Variants in CNTLN observed in about 807,000 individuals in gnomAD.
CNTLN encodes the protein centlein, centrosomal protein.
A neutral mutation model predicts 180.0 loss-of-function variants in CNTLN; 212 were observed. The observed-to-expected ratio is 1.18, with a 90% CI of 1.05 to 1.32. CNTLN has a LOEUF of 1.32. CNTLN is among the 40% of genes most tolerant of loss of function. CNTLN has a pLI of 0.00. For missense variants in CNTLN, 2,095 were observed against 1,610.9 expected (o/e 1.30, Z -5.14); for synonymous variants, 722 against 563.1 (o/e 1.28, Z -3.99).
At chr9:17,269,502 C>A (rs1651068513) in intron 5 of CNTLN, among the ~76,000 whole-genome samples, 1 of 152,012 alleles carries the variant, frequency 6.6e-6, no homozygotes, top group Admixed American at 6.5e-5. Flanking sequence ...TAATTTCTTT[C>A]TTTCATGATC....
chr9:17,270,182 A>G (rs1397536757), intron 5 of CNTLN, among the ~76,000 whole-genome samples: 21 of 152,112 alleles, frequency 1.4e-4, no homozygotes, highest in Admixed American at 1.2e-3. Context: ...GACAATTTTA[A>G]TATAAAACCA....
chr9:17,311,580 C>T lies in CNTLN; in HGVS notation c.1341+2328C>T, dbSNP rs1446301744. Among the ~76,000 whole-genome samples the T allele has an allele frequency of 1.5e-4, 23 of 151,218 alleles. 1 individual carries two copies. The East Asian group carries it at 4.6e-3, about 30-fold the overall frequency. ...ATCCCAGCACTTTGAGAGGCCGAGG[C>T]GGGCGAATCATGAGGTCAAGAGTTA... On this transcript the variant is annotated intron_variant, in intron 8 of 25. Transcript: ENST00000380647.
At chr9:17,318,486 G>A (rs771779535) in intron 8 of CNTLN, among the ~76,000 whole-genome samples, 2 of 152,136 alleles carry the variant, frequency 1.3e-5, no homozygotes, top group African/African-American at 2.4e-5. Flanking sequence ...AGGAGTTAGA[G>A]CCTGTAAATA....
intron 2 of CNTLN, among the ~76,000 whole-genome samples, chr9:17,174,644 C>G (rs539582856): frequency 2.0e-5 from 3 of 150,710 alleles, no homozygotes; most frequent in African/African-American, 7.4e-5. Flanking sequence ...TGCAGTGAGC[C>G]GAGATTGTGC....
intron 15 of CNTLN, among the ~76,000 whole-genome samples, chr9:17,402,078 T>A (rs112074532): frequency 0.014 from 2,161 of 151,918 alleles, 24 homozygotes; most frequent in Non-Finnish European, 0.021. Flanking sequence ...AGGTGGTATG[T>A]GGAATGCCTG....
rs1823850414 is a variant in CNTLN at position 17,366,665 on chromosome 9, T to G, written c.1935T>G (p.Ile645Met). The G allele has an allele frequency of 4.4e-6, 7 of 1,590,680 alleles. No homozygotes were observed. The highest frequency in any genetic ancestry group is 5.1e-6 in the Non-Finnish European group (6 of 1,165,104). Residue 645 changes from isoleucine to methionine, a missense_variant, in exon 13 of 26, where the codon ATT becomes ATG. Physicochemically the swap from Ile to Met is conservative, Grantham distance 10 (BLOSUM62 1). Transcript: ENST00000380647. ...ELDELKVHIS[I>M]DKAAIQELNR... ...ATGAACTTAAAGTACATATATCTAT[T>G]GATAAGGCAGCAATACAAGAATTGA...
intron 2 of CNTLN, among the ~76,000 whole-genome samples, chr9:17,218,813 G>A (rs907636390): frequency 1.3e-5 from 2 of 151,886 alleles, no homozygotes; most frequent in South Asian, 2.1e-4. Context: ...ATAGTTGGAT[G>A]TTTTTTTAGA....
rs1026864203 is a variant in CNTLN at position 17,212,804 on chromosome 9, T to C, written c.450-13399T>C. 7.2e-5 allele frequency among the ~76,000 whole-genome samples: 11 copies of C among 152,326 alleles called. No individual in the cohort carries two copies. The South Asian group carries it at 1.7e-3, about 23-fold the overall frequency. Reference sequence around the variant, plus strand: ...TTCGGAGGGTGTATGTGTCCAGGAATTTATCCATTTCTTCTAGATTTTCTA... The same window carrying C: ...TTCGGAGGGTGTATGTGTCCAGGAACTTATCCATTTCTTCTAGATTTTCTA... On this transcript the variant is annotated intron_variant, in intron 2 of 25. Coordinates refer to ENST00000380647, the MANE Select transcript of CNTLN (RefSeq NM_017738.4).
At chr9:17,390,426 A>T (rs566195262) in intron 14 of CNTLN, among the ~76,000 whole-genome samples, 1 of 151,574 alleles carries the variant, frequency 6.6e-6, no homozygotes, top group African/African-American at 2.4e-5. Flanking sequence ...TTTCGTAGAG[A>T]TGAGGTTTCA....
chr9:17,266,607 C>T (rs944634201), intron 5 of CNTLN, among the ~76,000 whole-genome samples: 3 of 152,030 alleles, frequency 2.0e-5, no homozygotes, highest in African/African-American at 7.2e-5. Context: ...AACTTTCTGT[C>T]TCGTTGATCT....
intron 5 of CNTLN, among the ~76,000 whole-genome samples, chr9:17,257,827 TG>T (rs1474206464): frequency 1.4e-5 from 2 of 148,008 alleles, no homozygotes; most frequent in East Asian, 3.9e-4. Context: ...TGGGGTTGTT[TG>T]TTTTTTTCTT....
chr9:17,401,814 T>G (rs1235986743), intron 15 of CNTLN, among the ~76,000 whole-genome samples: 2 of 151,334 alleles, frequency 1.3e-5, no homozygotes, highest in Admixed American at 6.6e-5. Context: ...TGAAAAAGCG[T>G]TAATAGAACT....
In CNTLN at chr9:17,466,110, G is replaced by C. The variant is rs1368300550; in HGVS notation, c.3661G>C (p.Glu1221Gln). ...QMYQKSKEEL[E>Q]KKDLKLTLLV... ...GTATCAGAAATCTAAAGAGGAGTTAGAAAAAAAGGTATGCTTTTAAAAAGG... is the reference window on the plus strand; with the variant it reads ...GTATCAGAAATCTAAAGAGGAGTTACAAAAAAAGGTATGCTTTTAAAAAGG... The change falls in exon 22 of 26, where the codon GAA (glutamate) becomes CAA (glutamine). Residue 1221 changes from glutamate (E) to glutamine (Q), a missense_variant. By Grantham distance (29) the Glu-to-Gln change is conservative. Transcript: ENST00000380647. 20 of 1,596,466 alleles carry C rather than the reference G, an allele frequency of 1.3e-5. No homozygotes were observed. Among genetic ancestry groups the C allele is most frequent in the Non-Finnish European group, 1.6e-5 (19 of 1,170,978 alleles).
intron 18 of CNTLN, among the ~76,000 whole-genome samples, chr9:17,456,790 A>G (rs1469776942): frequency 6.6e-6 from 1 of 152,144 alleles, no homozygotes; most frequent in Non-Finnish European, 1.5e-5. Flanking sequence ...TAGTTTGGTG[A>G]CATTCTGCTC....
At chr9:17,465,561 AT>A (rs1206938648) in intron 21 of CNTLN, among the ~76,000 whole-genome samples, 1 of 149,990 alleles carries the variant, frequency 6.7e-6, no homozygotes, top group Non-Finnish European at 1.5e-5. Context: ...TATATATAAA[AT>A]ATCCTATTGT....
At chr9:17,323,457 A>G (rs1055761102) in intron 8 of CNTLN, among the ~76,000 whole-genome samples, 4 of 152,300 alleles carry the variant, frequency 2.6e-5, no homozygotes, top group Non-Finnish European at 5.9e-5. Flanking sequence ...CACGAGCTTC[A>G]GGGAGTAGAA....
intron 2 of CNTLN, among the ~76,000 whole-genome samples, chr9:17,186,906 T>C (rs377740583): frequency 5.9e-5 from 9 of 152,068 alleles, no homozygotes; most frequent in African/African-American, 2.2e-4. Flanking sequence ...TATGCAAAAC[T>C]GAATTTGATG....
intron 5 of CNTLN, among the ~76,000 whole-genome samples, chr9:17,245,276 C>A (rs1454635256): frequency 6.7e-6 from 1 of 150,124 alleles, no homozygotes; most frequent in Non-Finnish European, 1.5e-5. Context: ...CTGGGAAAGT[C>A]TTTTGTTTGA....
At position 17,266,636 on chromosome 9, in the gene CNTLN, G is replaced by A. The variant is rs191156234; in HGVS notation, c.850-7097G>A. Among the ~76,000 whole-genome samples the A allele has an allele frequency of 4.6e-5, 7 of 152,158 alleles. 1 individual carries two copies. The highest frequency in any genetic ancestry group is 1.0e-4 in the Non-Finnish European group (7 of 68,000). On this transcript the variant is annotated intron_variant, in intron 5 of 25. Transcript: ENST00000380647. ...TTGATCTGTTTAGTGTTGACGGTGG[G>A]ATGTTATAGTCTCCCATTATTATTG...
Sources: gnomAD v4.1 joint callset for allele counts (sites outside exome capture counted in the v4.1 genomes callset) on GRCh38, gnomAD v4.1.1 for gene constraint, MANE v1.5 for transcripts, NCBI Gene and HGNC (gene_info 2026-07-23, HGNC 2026-07-21) for gene names.